Variants in LRRTM4 observed in about 807,000 individuals in gnomAD.
LRRTM4 encodes leucine rich repeat transmembrane neuronal 4.
In LRRTM4, 25 loss-of-function variants were observed where a neutral mutation model predicts 47.6. The observed-to-expected ratio is 0.53, with a 90% CI of 0.38 to 0.73. The LOEUF (loss-of-function observed/expected upper bound fraction) is 0.73. LRRTM4 is among the 30% of genes least tolerant of loss of function. LRRTM4 has a pLI of 0.00. For synonymous variants in LRRTM4, 311 were observed against 269.5 expected (o/e 1.15, Z -1.51); for missense variants, 638 against 713.4 (o/e 0.89, Z 1.20).
chr2:77,027,069 A>G (rs1488693984), intron 3 of LRRTM4, among the ~76,000 whole-genome samples: 1 of 152,002 alleles, frequency 6.6e-6, no homozygotes, highest in Non-Finnish European at 1.5e-5. Context: ...GATTACAATA[A>G]TCCCTATAGT....
Position 77,044,557 on chromosome 2 carries a change from A to AGT in LRRTM4, c.1552-295643_1552-295642dup, listed in dbSNP as rs372238881. Among the ~76,000 whole-genome samples the AGT allele has an allele frequency of 8.9e-3, 1,343 of 151,124 alleles. 23 individuals carry two copies. Among genetic ancestry groups the AGT allele is most frequent in the African/African-American group, 0.03 (1,225 of 41,298 alleles). ...TTAGTCAAGGGTGTGTGTGTCTGTG[A>AGT]GTGTGTGTGTGTGCATGCAAAAGGG... On this transcript the variant is annotated intron_variant, in intron 3 of 3. Transcript: ENST00000409884.
intron 3 of LRRTM4, among the ~76,000 whole-genome samples, chr2:77,090,311 T>G (rs1275565492): frequency 6.6e-6 from 1 of 152,076 alleles, no homozygotes; most frequent in Admixed American, 6.5e-5. Flanking sequence ...AATATAAAAA[T>G]CCAGCCCAGT....
At chr2:77,284,756 G>C (rs760016702) in intron 3 of LRRTM4, among the ~76,000 whole-genome samples, 2 of 152,032 alleles carry the variant, frequency 1.3e-5, no homozygotes, top group Non-Finnish European at 2.9e-5. Context: ...TTTTACTGTA[G>C]TGAGGAAGAG....
chr2:76,862,972 C>A (rs991690856), intron 3 of LRRTM4, among the ~76,000 whole-genome samples: 2 of 152,148 alleles, frequency 1.3e-5, no homozygotes, highest in Non-Finnish European at 2.9e-5. Context: ...TTTCTACCCT[C>A]CGATTATCTA....
chr2:76,781,366 G>A (rs1361848669), intron 3 of LRRTM4, among the ~76,000 whole-genome samples: 2 of 152,222 alleles, frequency 1.3e-5, no homozygotes. Flanking sequence ...CTGCCGCCTT[G>A]CAGTTTGATC....
chr2:77,235,196 A>G (rs1194666609), intron 3 of LRRTM4, among the ~76,000 whole-genome samples: 1 of 151,968 alleles, frequency 6.6e-6, no homozygotes, highest in Non-Finnish European at 1.5e-5. Context: ...TGAGCATGTG[A>G]GGCCAGCATC....
At chr2:77,346,756 T>A (rs1671576530) in intron 3 of LRRTM4, among the ~76,000 whole-genome samples, 1 of 152,038 alleles carries the variant, frequency 6.6e-6, no homozygotes, top group South Asian at 2.1e-4. Flanking sequence ...TAAGTAATAA[T>A]AATATAAGAA....
At chr2:77,139,230 A>T (rs1672043206) in intron 3 of LRRTM4, among the ~76,000 whole-genome samples, 1 of 152,162 alleles carries the variant, frequency 6.6e-6, no homozygotes, top group African/African-American at 2.4e-5. Flanking sequence ...CCTCAATAAA[A>T]TACTGGCAAA....
At chr2:77,000,717 T>A (rs4637153) in intron 3 of LRRTM4, among the ~76,000 whole-genome samples, 1 of 152,124 alleles carries the variant, frequency 6.6e-6, no homozygotes. Flanking sequence ...AGTAGTAGAA[T>A]GACTAAAATT....
chr2:77,457,010 A>G (rs1438881345), intron 3 of LRRTM4, among the ~76,000 whole-genome samples: 113 of 7,680 alleles, frequency 0.015, no homozygotes, highest in Non-Finnish European at 0.025. Context: ...GTGTGTATAT[A>G]TATATATATA....
intron 3 of LRRTM4, among the ~76,000 whole-genome samples, chr2:77,503,506 C>T (rs962911801): frequency 1.3e-5 from 2 of 151,542 alleles, no homozygotes; most frequent in African/African-American, 4.8e-5. Context: ...AAGAAGCTGG[C>T]ATATATTTAT....
In LRRTM4 at chr2:77,421,504, G is replaced by T. The variant is rs370398936; in HGVS notation, c.1551+96814C>A. On this transcript the variant is annotated intron_variant, in intron 3 of 3. Transcript: ENST00000409884. ...GGGCGGATCACGAAGTCAGGAGATC[G>T]AGACCATCCTGGCTAACACGGTGAA... Among the ~76,000 whole-genome samples, 63 of 152,172 alleles carry T rather than the reference G, an allele frequency of 4.1e-4. No homozygotes were observed. In the East Asian group the frequency reaches 0.012, roughly 29 times the overall value.
At chr2:76,804,763 A>T (rs1234825392) in intron 3 of LRRTM4, among the ~76,000 whole-genome samples, 8 of 140,658 alleles carry the variant, frequency 5.7e-5, no homozygotes, top group African/African-American at 1.5e-4. Flanking sequence ...GTTTTATAAC[A>T]ATATATATAT....
At chr2:76,974,541 G>C (rs1018679336) in intron 3 of LRRTM4, among the ~76,000 whole-genome samples, 2 of 150,944 alleles carry the variant, frequency 1.3e-5, no homozygotes, top group Non-Finnish European at 3.0e-5. Flanking sequence ...TAGTGTATAT[G>C]TGTCACATAC....
intron 3 of LRRTM4, among the ~76,000 whole-genome samples, chr2:76,929,946 T>C (rs1332541908): frequency 1.3e-5 from 2 of 151,920 alleles, no homozygotes; most frequent in Non-Finnish European, 2.9e-5. Context: ...TGTGTGTGTG[T>C]GTGTGTGTGT....
intron 3 of LRRTM4, among the ~76,000 whole-genome samples, chr2:76,901,552 G>GA (rs111542995): frequency 0.014 from 2,173 of 152,132 alleles, 67 homozygotes; most frequent in South Asian, 0.074. Context: ...AAGGCTCAGA[G>GA]AAAACCTCTT....
At position 77,027,679 on chromosome 2, in the gene LRRTM4, G is replaced by A. The variant is rs560204017; in HGVS notation, c.1552-278763C>T. Reference sequence around the variant, plus strand: ...CAACTGTAGTTAGTAGTGAATTGCCGAAAGGATAATTTCATCTAGTTAATC... The same window carrying A: ...CAACTGTAGTTAGTAGTGAATTGCCAAAAGGATAATTTCATCTAGTTAATC... On this transcript the variant is annotated intron_variant, in intron 3 of 3. Coordinates refer to ENST00000409884, the MANE Select transcript of LRRTM4 (RefSeq NM_001134745.3). 1.6e-3 allele frequency among the ~76,000 whole-genome samples: 238 copies of A among 152,246 alleles called. 1 individual carries two copies. The highest frequency in any genetic ancestry group is 2.4e-3 in the Non-Finnish European group (166 of 67,972).
At chr2:77,071,295 C>T (rs1680147708) in intron 3 of LRRTM4, among the ~76,000 whole-genome samples, 1 of 152,100 alleles carries the variant, frequency 6.6e-6, no homozygotes, top group Admixed American at 6.6e-5. Flanking sequence ...CAAAAATTTT[C>T]CAAACCTATA....
chr2:76,825,106 G>C (rs1416650900), intron 3 of LRRTM4, among the ~76,000 whole-genome samples: 1 of 151,626 alleles, frequency 6.6e-6, no homozygotes, highest in African/African-American at 2.4e-5. Flanking sequence ...GCTCTAGTAA[G>C]ATAGATAAGG....
Sources: gnomAD v4.1 joint callset for allele counts (sites outside exome capture counted in the v4.1 genomes callset) on GRCh38, gnomAD v4.1.1 for gene constraint, MANE v1.5 for transcripts, NCBI Gene and HGNC (gene_info 2026-07-23, HGNC 2026-07-21) for gene names.